TANC2: variants seen among roughly 807,000 people sequenced by gnomAD.
TANC2 encodes protein TANC2.
Under a neutral mutation model 210.5 loss-of-function variants are expected in TANC2, and 26 were observed. That is an observed-to-expected ratio of 0.12 (90% CI 0.09 to 0.17). TANC2 has a LOEUF of 0.17. TANC2 is among the 10% of genes least tolerant of loss of function. The probability of loss-of-function intolerance (pLI) is 1.00; values close to 1 mark genes in which losing one functional copy is unlikely to be tolerated. For missense variants in TANC2, 2,129 were observed against 2,608.9 expected (o/e 0.82, Z 4.01); for synonymous variants, 931 against 967.1 (o/e 0.96, Z 0.69).
intron 1 of TANC2, among the ~76,000 whole-genome samples, chr17:62,968,245 T>G (rs1232279889): frequency 6.6e-6 from 1 of 152,204 alleles, no homozygotes; most frequent in Admixed American, 6.5e-5. Context: ...TATGGAAATG[T>G]GTTCGTTAGA....
Position 63,025,821 on chromosome 17 carries a change from TTAAAA to T in TANC2, c.67+16231_67+16235del, listed in dbSNP as rs71357046. Among the ~76,000 whole-genome samples, 273 of 141,512 alleles carry T rather than the reference TTAAAA, an allele frequency of 1.9e-3. 1 individual carries two copies. Among genetic ancestry groups the T allele is most frequent in the African/African-American group, 4.4e-3 (161 of 36,394 alleles). 92.8% of individuals were successfully genotyped at this position (141,512 alleles called of 152,430 possible). A position where few individuals can be genotyped will look rare whatever the true frequency, so the allele number is the denominator to read the frequency against. On this transcript the variant is annotated intron_variant, in intron 2 of 27. Transcript: ENST00000689528. ...AAAAATAAAATAAAATAAAATTAAATTAAAATAAAATAAAATAAAATAAAATAAAA... is the reference window on the plus strand; with the variant it reads ...AAAAATAAAATAAAATAAAATTAAATTAAAATAAAATAAAATAAAATAAAA...
intron 7 of TANC2, among the ~76,000 whole-genome samples, chr17:63,206,539 A>T (rs762901680): frequency 5.3e-5 from 8 of 152,244 alleles, no homozygotes; most frequent in Non-Finnish European, 1.2e-4. Flanking sequence ...TGAAATTCTG[A>T]TGTATGCTAC....
chr17:63,231,170 G>C (rs527716710), intron 7 of TANC2, among the ~76,000 whole-genome samples: 17 of 152,214 alleles, frequency 1.1e-4, no homozygotes, highest in African/African-American at 4.1e-4. Context: ...CTTTGCATTT[G>C]AGATGGGTCT....
intron 14 of TANC2, among the ~76,000 whole-genome samples, chr17:63,373,556 T>A (rs938351612): frequency 6.6e-6 from 1 of 152,242 alleles, no homozygotes; most frequent in Non-Finnish European, 1.5e-5. Flanking sequence ...CTAGCTCTTT[T>A]ACTTCCTAGG....
rs1377625505 is a variant in TANC2, at chr17:63,018,296, A to G, written c.67+8670A>G. On this transcript the variant is annotated intron_variant, in intron 2 of 27. Coordinates refer to ENST00000689528, the Ensembl canonical transcript of TANC2. Reference sequence around the variant, plus strand: ...ACCGGGAAGTCGGGGTTCAAGACCAACCTGGCCAACGTGGAGAAACCCGTC... The same window carrying G: ...ACCGGGAAGTCGGGGTTCAAGACCAGCCTGGCCAACGTGGAGAAACCCGTC... 2.0e-5 allele frequency among the ~76,000 whole-genome samples: 3 copies of G among 151,908 alleles called. No homozygotes were observed. In the South Asian group the frequency reaches 6.3e-4, roughly 32 times the overall value.
chr17:63,213,428 C>T (rs1028158239), intron 7 of TANC2, among the ~76,000 whole-genome samples: 2 of 152,192 alleles, frequency 1.3e-5, no homozygotes, highest in African/African-American at 4.8e-5. Context: ...AGCCATGTAA[C>T]TCCAAGCTTC....
At chr17:63,246,308 A>G (rs2042919819) in intron 8 of TANC2, among the ~76,000 whole-genome samples, 1 of 151,586 alleles carries the variant, frequency 6.6e-6, no homozygotes, top group South Asian at 2.1e-4. Flanking sequence ...AATTTTTTTA[A>G]AAACAAGTAT....
In TANC2 at chr17:63,421,236, A is replaced by G. The variant is rs777271783; in HGVS notation, c.5506A>G (p.Arg1836Gly). The G allele has an allele frequency of 1.2e-6, 2 of 1,614,028 alleles. No individual in the cohort carries two copies. The highest frequency in any genetic ancestry group is 3.3e-5 in the Admixed American group (2 of 60,022). ...TTCCCCTGATGTGTCGCATTTAATC[A>G]GAAGACCTATCAGTGTCAACCCTAA... The change falls in exon 28 of 28, where the codon AGA (arginine) becomes GGA (glycine). Residue 1836 changes from arginine to glycine, a missense_variant. Transcript: ENST00000689528. The surrounding 1 kb of genome is among the most constrained non-coding windows in gnomAD (Gnocchi z 6.9).
intron 7 of TANC2, among the ~76,000 whole-genome samples, chr17:63,222,429 A>G (rs1318129199): frequency 6.6e-6 from 1 of 152,270 alleles, no homozygotes; most frequent in African/African-American, 2.4e-5. Flanking sequence ...GATAAATGTT[A>G]AAAGCATTTT....
chr17:63,033,219 T>G (rs2034842687), intron 2 of TANC2, among the ~76,000 whole-genome samples: 1 of 152,146 alleles, frequency 6.6e-6, no homozygotes, highest in Non-Finnish European at 1.5e-5. Flanking sequence ...TAGGCATGAT[T>G]GATGAAATCA....
At chr17:63,059,648 G>T (rs1261401517) in intron 2 of TANC2, among the ~76,000 whole-genome samples, 1 of 151,016 alleles carries the variant, frequency 6.6e-6, no homozygotes, top group Non-Finnish European at 1.5e-5. Context: ...CAAGATAATT[G>T]GTTTCTTGTC....
chr17:62,990,738 A>G (rs1330058543), intron 1 of TANC2, among the ~76,000 whole-genome samples: 3 of 152,208 alleles, frequency 2.0e-5, no homozygotes, highest in Non-Finnish European at 4.4e-5. Flanking sequence ...ATTTGACCTC[A>G]GAGAGAAAAA....
chr17:63,399,012 T>G, intron 19 of TANC2, 98 bp downstream of exon 19: 1 of 857,688 alleles, frequency 1.2e-6, no homozygotes, highest in Non-Finnish European at 1.8e-6. Context: ...TTTGGCAGTC[T>G]TCTGTCTCAG....
intron 5 of TANC2, among the ~76,000 whole-genome samples, chr17:63,173,802 CA>C (rs34480057): frequency 0.14 from 21,493 of 152,110 alleles, 1,953 homozygotes; most frequent in Middle Eastern, 0.21. Context: ...AACATACATA[CA>C]CAAAATAAAT....
chr17:63,126,052 G>A (rs1233162237), intron 4 of TANC2, among the ~76,000 whole-genome samples: 1 of 152,132 alleles, frequency 6.6e-6, no homozygotes, highest in East Asian at 1.9e-4. Flanking sequence ...CTACTTCCTA[G>A]GGTTATTATG....
At chr17:63,426,138 C>T (rs766553078) in exon 28 of TANC2, 3 of 152,310 alleles carry the variant, frequency 2.0e-5, no homozygotes, top group Non-Finnish European at 4.4e-5. Flanking sequence ...TCTCAAGAAA[C>T]CGACCTGCAA....
intron 15 of TANC2, among the ~76,000 whole-genome samples, chr17:63,382,584 T>G (rs1206034836): frequency 6.6e-6 from 1 of 152,242 alleles, no homozygotes; most frequent in Non-Finnish European, 1.5e-5. Context: ...TTAACAAATG[T>G]TAACATTTTT....
chr17:62,966,534 C>T lies in TANC2; in HGVS notation c.-239C>T, dbSNP rs977355209. On this transcript the variant is annotated 5_prime_UTR_variant, in exon 1 of 28. Coordinates refer to ENST00000689528, the Ensembl canonical transcript of TANC2. The surrounding 1 kb of genome is among the most constrained non-coding windows in gnomAD (Gnocchi z 5.1). ...CGAGCCGAGGGGCGAGAGCTGGCCC[C>T]CGAGCCGCCGCTGACAGGAGCACCG... Among the ~76,000 whole-genome samples the T allele has an allele frequency of 2.8e-4, 42 of 150,310 alleles. 1 individual carries two copies. Among genetic ancestry groups the T allele is most frequent in the Non-Finnish European group, 5.5e-4 (37 of 67,340 alleles).
chr17:63,245,858 A>T (rs2042903435), intron 8 of TANC2, among the ~76,000 whole-genome samples: 2 of 151,452 alleles, frequency 1.3e-5, no homozygotes, highest in Admixed American at 6.6e-5. Context: ...AAAAAAAAAA[A>T]AATTACCTGT....
Sources: allele counts gnomAD v4.1 joint callset (sites outside exome capture counted in the v4.1 genomes callset), GRCh38; gene constraint gnomAD v4.1.1; non-coding constraint Gnocchi (gnomAD v3.1); transcripts MANE v1.5; gene names NCBI Gene and HGNC (gene_info 2026-07-23, HGNC 2026-07-21).